The following RAD18 variants were observed in gnomAD, a reference collection of about 807,000 sequenced individuals.
RAD18 encodes E3 ubiquitin-protein ligase RAD18.
In RAD18, 47 loss-of-function variants were observed where a neutral mutation model predicts 60.4. That is an observed-to-expected ratio of 0.78 (90% CI 0.62 to 0.99). The LOEUF (loss-of-function observed/expected upper bound fraction) is 0.99, where lower values mean the gene tolerates loss of function less well. RAD18 is among the 50% of genes least tolerant of loss of function. RAD18 has a pLI of 0.00. For missense variants in RAD18, 640 were observed against 593.3 expected (o/e 1.08, Z -0.82); for synonymous variants, 225 against 195.5 (o/e 1.15, Z -1.26).
At chr3:8,947,682 G>C (rs1056597227) in intron 3 of RAD18, among the ~76,000 whole-genome samples, 1 of 152,180 alleles carries the variant, frequency 6.6e-6, no homozygotes, top group Non-Finnish European at 1.5e-5. Flanking sequence ...TGTTCAAGGA[G>C]AATTTTAAAG....
At chr3:8,894,921 T>C (rs1425050143) in intron 11 of RAD18, among the ~76,000 whole-genome samples, 1 of 152,028 alleles carries the variant, frequency 6.6e-6, no homozygotes, top group Non-Finnish European at 1.5e-5. Context: ...CTACTGCGCC[T>C]GGCTAATTTT....
intron 7 of RAD18, among the ~76,000 whole-genome samples, chr3:8,922,644 A>G (rs955708095): frequency 1.7e-4 from 26 of 152,124 alleles, no homozygotes; most frequent in Admixed American, 1.7e-3. Context: ...AACCCCAAGT[A>G]GCCTAACTGG....
Position 8,912,321 on chromosome 3 carries a change from T to A in RAD18, c.1018A>T (p.Ser340Cys), listed in dbSNP as rs758739014. 5 of 1,566,602 alleles carry A rather than the reference T, an allele frequency of 3.2e-6. No homozygotes were observed. The highest frequency in any genetic ancestry group is 4.3e-6 in the Non-Finnish European group (5 of 1,157,380). ...QTEKEIDEIHSKYRKKHKSEF... is the reference protein window; with the variant it reads ...QTEKEIDEIHCKYRKKHKSEF... ...AAGTCGTGCAACTTACGATATTTAC[T>A]GTGGATTTCATCTATTTCCTTTTCT... is the stretch of plus-strand genomic sequence containing the variant. The change falls in exon 9 of 13, where the codon AGT becomes TGT. Residue 340 changes from serine (S) to cysteine (C), a missense_variant. Coordinates refer to ENST00000264926, the MANE Select transcript of RAD18 (RefSeq NM_020165.4).
intron 1 of RAD18, among the ~76,000 whole-genome samples, chr3:8,961,299 A>C (rs1391344471): frequency 6.6e-6 from 1 of 152,236 alleles, no homozygotes; most frequent in African/African-American, 2.4e-5. Flanking sequence ...CAGACTCCCC[A>C]AAATTTCTTT....
Position 8,941,621 on chromosome 3 carries a change from T to C in RAD18, c.450A>G (p.Ile150Met). 1 of 1,614,190 alleles carries C rather than the reference T, an allele frequency of 6.2e-7. No individual in the cohort carries two copies. Among genetic ancestry groups the C allele is most frequent in the South Asian group, 1.1e-5 (1 of 91,090 alleles). The part of the protein sequence containing the change: ...EMSGSTSELL[I>M]KENKSKFSPQ... ...GGCTGAATTTGCTTTTATTTTCTTT[T>C]ATCAACAACTCTGATGTAGAACCAC... Residue 150 changes from isoleucine (I) to methionine (M), a missense_variant, in exon 5 of 13, where the codon ATA becomes ATG. Transcript: ENST00000264926.
chr3:8,913,698 G>T lies in RAD18; in HGVS notation c.912C>A (p.Ile304=). The change falls in exon 8 of 13, where the codon ATC becomes ATA. Residue 304 remains isoleucine, a synonymous_variant. Coordinates refer to ENST00000264926, the MANE Select transcript of RAD18 (RefSeq NM_020165.4). ...GCATCCTAGTCTTCTCTATATTTTC[G>T]ATTTCTCGAACTATTTCAGCAGCTG... is the stretch of plus-strand genomic sequence containing the variant. The part of the protein sequence containing the change: ...PKSAAEIVRE[I]ENIEKTRMRL... 1 of 1,575,246 alleles carries T rather than the reference G, an allele frequency of 6.3e-7. No individual in the cohort carries two copies. Among genetic ancestry groups the T allele is most frequent in the Non-Finnish European group, 8.6e-7 (1 of 1,158,494 alleles).
chr3:8,955,545 C>CA (rs536762329), intron 2 of RAD18, among the ~76,000 whole-genome samples: 7 of 152,168 alleles, frequency 4.6e-5, no homozygotes, highest in Non-Finnish European at 1.0e-4. Context: ...TTGAACTTTT[C>CA]AAAGGACTGC....
chr3:8,899,161 A>G (rs1404207426), intron 10 of RAD18, 114 bp from the exon 11 acceptor site: 1 of 767,398 alleles, frequency 1.3e-6, no homozygotes, highest in Non-Finnish European at 1.9e-6. Flanking sequence ...TATATGTCAC[A>G]TAGATTCCAG....
At chr3:8,893,670 C>T (rs1575533951) in intron 11 of RAD18, among the ~76,000 whole-genome samples, 2 of 149,432 alleles carry the variant, frequency 1.3e-5, no homozygotes, top group East Asian at 3.9e-4. Flanking sequence ...GTGATAATTA[C>T]TTTGTACACA....
Position 8,941,695 on chromosome 3 carries a change from A to T in RAD18, c.376T>A (p.Leu126Ile). The T allele has an allele frequency of 6.2e-7, 1 of 1,614,162 alleles. No homozygotes were observed. ...TCCATTAACCTGCTCCCCTGCTTTA[A>T]AGACTGTCTGGAGGCTACAGGAGTA... is the stretch of plus-strand genomic sequence containing the variant. Reference protein sequence around the residue: ...VYTPVASRQSLKQGSRLMDNF... With the variant: ...VYTPVASRQSIKQGSRLMDNF... The change falls in exon 5 of 13, where the codon TTA (leucine) becomes ATA (isoleucine). Residue 126 changes from leucine (L) to isoleucine (I), a missense_variant. By Grantham distance (5) the Leu-to-Ile change is conservative (BLOSUM62 2). Coordinates refer to ENST00000264926, the MANE Select transcript of RAD18 (RefSeq NM_020165.4).
At chr3:8,892,905 T>G (rs1219407308) in intron 11 of RAD18, among the ~76,000 whole-genome samples, 1 of 152,238 alleles carries the variant, frequency 6.6e-6, no homozygotes, top group African/African-American at 2.4e-5. Flanking sequence ...GTTACTTAAC[T>G]TTCCTCTGTG....
At chr3:8,902,600 G>A in intron 9 of RAD18, 80 bp from the exon 10 acceptor site, 2 of 1,363,252 alleles carry the variant, frequency 1.5e-6, no homozygotes, top group African/African-American at 1.5e-5. Flanking sequence ...AATATCAAGA[G>A]GTGTACAAGG....
intron 7 of RAD18, among the ~76,000 whole-genome samples, chr3:8,916,016 C>T (rs1012099669): frequency 1.3e-5 from 2 of 152,182 alleles, no homozygotes; most frequent in African/African-American, 4.8e-5. Context: ...GAACCACCCC[C>T]ACTGCAGGAT....
intron 1 of RAD18, among the ~76,000 whole-genome samples, chr3:8,960,955 AT>A (rs1290721068): frequency 1.3e-5 from 2 of 152,242 alleles, no homozygotes; most frequent in Non-Finnish European, 2.9e-5. Flanking sequence ...AACCAGGGAA[AT>A]AATAAAATGC....
At chr3:8,931,089 T>C (rs943495694) in intron 7 of RAD18, among the ~76,000 whole-genome samples, 7 of 152,160 alleles carry the variant, frequency 4.6e-5, no homozygotes, top group Non-Finnish European at 1.0e-4. Flanking sequence ...CTGTTTTTAT[T>C]GGCATGTAAC....
chr3:8,929,475 T>C (rs1347447292), intron 7 of RAD18, among the ~76,000 whole-genome samples: 1 of 152,018 alleles, frequency 6.6e-6, no homozygotes, highest in Non-Finnish European at 1.5e-5. Flanking sequence ...AAAAGAACCC[T>C]CTGGCTATAG....
At chr3:8,939,414 G>T (rs1940707226) in intron 6 of RAD18, 140 bp downstream of exon 6, 3 of 587,460 alleles carry the variant, frequency 5.1e-6, no homozygotes, top group East Asian at 6.2e-5. Context: ...TGGAAGAAGT[G>T]GCCAACAGGA....
intron 6 of RAD18, among the ~76,000 whole-genome samples, chr3:8,938,545 T>C (rs1940691862): frequency 6.6e-6 from 1 of 152,168 alleles, no homozygotes; most frequent in Non-Finnish European, 1.5e-5. Flanking sequence ...CTCCTCTTCT[T>C]TTCCAAATCT....
chr3:8,932,772 G>C (rs975949937), intron 7 of RAD18, among the ~76,000 whole-genome samples: 3 of 152,136 alleles, frequency 2.0e-5, no homozygotes, highest in African/African-American at 4.8e-5. Flanking sequence ...TTGTGGCATG[G>C]CTATAAAGCA....
Sources: gnomAD v4.1 joint callset for allele counts (sites outside exome capture counted in the v4.1 genomes callset) on GRCh38, gnomAD v4.1.1 for gene constraint, MANE v1.5 for transcripts, NCBI Gene and HGNC (gene_info 2026-07-23, HGNC 2026-07-21) for gene names.